ADH7: variants seen among roughly 807,000 people sequenced by gnomAD.
ADH7 encodes the protein all-trans-retinol dehydrogenase [NAD(+)] ADH7.
In ADH7, 41 loss-of-function variants were observed where a neutral mutation model predicts 34.4. The observed-to-expected ratio is 1.19, with a 90% CI of 0.93 to 1.55. ADH7 has a LOEUF of 1.55. Ranked by LOEUF, ADH7 falls within the 40% of genes most tolerant of loss-of-function variation. The pLI is 0.00. For synonymous variants in ADH7, 180 were observed against 160.9 expected (o/e 1.12, Z -0.90); for missense variants, 540 against 461.2 (o/e 1.17, Z -1.56).
intron 5 of ADH7, among the ~76,000 whole-genome samples, chr4:99,424,272 G>T (rs932186314): frequency 3.3e-5 from 5 of 152,188 alleles, no homozygotes; most frequent in Admixed American, 6.5e-5. Context: ...TGCTGTTTTT[G>T]TTACTGTAGC....
chr4:99,415,323 C>T (rs1260031003), intron 8 of ADH7, 155 bp downstream of exon 8: 1 of 787,656 alleles, frequency 1.3e-6, no homozygotes, highest in Admixed American at 2.5e-5. Flanking sequence ...TGAAAATACA[C>T]TAATGCAGTG....
intron 6 of ADH7, 109 bp downstream of exon 6, chr4:99,420,424 C>T: frequency 7.8e-7 from 1 of 1,275,774 alleles, no homozygotes; most frequent in South Asian, 1.5e-5. Context: ...CTGACTATCG[C>T]AGAGATATTT....
intron 5 of ADH7, among the ~76,000 whole-genome samples, chr4:99,426,079 C>T (rs12502381): frequency 0.045 from 6,808 of 152,050 alleles, 289 homozygotes; most frequent in East Asian, 0.12. Context: ...GAGAAATTTA[C>T]AGCACTAAAT....
In ADH7 at chr4:99,420,544, G is replaced by C; in HGVS notation, c.814C>G (p.Leu272Val). ...ATTTTGGGTCTTACCATGGTTTCAA[G>C]ATGCCCAATAACTTCAAAGGTGTAT... is the stretch of plus-strand genomic sequence containing the variant. The part of the protein sequence containing the change: ...VGYTFEVIGH[L>V]ETMIDALASC... Residue 272 changes from leucine to valine, a missense_variant, in exon 6 of 9, where the codon CTT becomes GTT. Coordinates refer to ENST00000437033, the MANE Select transcript of ADH7 (RefSeq NM_000673.7). 6.2e-7 allele frequency: 1 copy of C among 1,612,988 alleles called. No homozygotes were observed. The highest frequency in any genetic ancestry group is 2.2e-5 in the East Asian group (1 of 44,854).
Position 99,412,646 on chromosome 4 carries a change from T to C in ADH7, c.*502A>G, listed in dbSNP as rs1444977326. 2 of 152,250 alleles carry C rather than the reference T, an allele frequency of 1.3e-5. No individual in the cohort carries two copies. Among genetic ancestry groups the C allele is most frequent in the Non-Finnish European group, 2.9e-5 (2 of 68,076 alleles). The allele number at this position is 152,250 out of a possible 1,614,324, so 9.4% of individuals were successfully genotyped here. A position where few individuals can be genotyped will look rare whatever the true frequency, so the allele number is the denominator to read the frequency against. On this transcript the variant is annotated 3_prime_UTR_variant, in exon 9 of 9. Transcript: ENST00000437033. ...TTCTGTCTTTCTTAATCTAATCCAG[T>C]AATATGCATCATGGAATGAACTGAT...
chr4:99,431,128 A>G (rs1721930205), intron 1 of ADH7, among the ~76,000 whole-genome samples: 1 of 152,274 alleles, frequency 6.6e-6, no homozygotes, highest in East Asian at 1.9e-4. Flanking sequence ...AAACTATTTT[A>G]TCAATCAGTG....
chr4:99,418,712 T>C (rs1032353786), intron 7 of ADH7, among the ~76,000 whole-genome samples: 1 of 152,182 alleles, frequency 6.6e-6, no homozygotes, highest in Non-Finnish European at 1.5e-5. Context: ...TGTTACATAA[T>C]TCATCCCTAT....
intron 2 of ADH7, among the ~76,000 whole-genome samples, 193 bp downstream of exon 2, chr4:99,429,339 A>G (rs1432426548): frequency 6.6e-6 from 1 of 152,226 alleles, no homozygotes; most frequent in Non-Finnish European, 1.5e-5. Flanking sequence ...TTGTTTTTTA[A>G]AAGGATAATG....
intron 7 of ADH7, among the ~76,000 whole-genome samples, chr4:99,416,192 C>A (rs1007974596): frequency 1.8e-4 from 28 of 152,184 alleles, no homozygotes; most frequent in African/African-American, 6.5e-4. Context: ...TCTTCTGATA[C>A]CCACATCTCC....
rs777430947 is a variant in ADH7 at position 99,420,722 on chromosome 4, C to CT, written c.635dup (p.Ser213ValfsTer6). On this transcript the variant is annotated frameshift_variant, in exon 6 of 9. Transcript: ENST00000437033. LOFTEE classifies it high-confidence loss of function. ...CAATGATCCTAGATGCACCAGCTGA[C>CT]TTACAGCCCATGATGACTGACAGGC... 6.2e-7 allele frequency: 1 copy of CT among 1,613,938 alleles called. No homozygotes were observed. The highest frequency in any genetic ancestry group is 2.2e-5 in the East Asian group (1 of 44,874).
At chr4:99,433,921 G>C (rs993491641) in intron 1 of ADH7, among the ~76,000 whole-genome samples, 1 of 152,030 alleles carries the variant, frequency 6.6e-6, no homozygotes, top group Non-Finnish European at 1.5e-5. Flanking sequence ...TTATTATAAA[G>C]AGAAAAAATC....
intron 5 of ADH7, among the ~76,000 whole-genome samples, chr4:99,424,802 A>G (rs1721761112): frequency 6.6e-6 from 1 of 152,130 alleles, no homozygotes; most frequent in South Asian, 2.1e-4. Flanking sequence ...TTCTAGATAT[A>G]CAATCATGTC....
At chr4:99,427,206 C>A (rs1721829993) in intron 5 of ADH7, among the ~76,000 whole-genome samples, 1 of 152,052 alleles carries the variant, frequency 6.6e-6, no homozygotes, top group Non-Finnish European at 1.5e-5. Flanking sequence ...TTTTGGTGAA[C>A]AGTAACAGCA....
intron 7 of ADH7, among the ~76,000 whole-genome samples, chr4:99,416,232 T>C (rs1721512676): frequency 6.6e-6 from 1 of 152,178 alleles, no homozygotes. Flanking sequence ...TTGCTTCTAT[T>C]GCAGAGAAAC....
chr4:99,427,449 C>T (rs894328383), intron 5 of ADH7, among the ~76,000 whole-genome samples: 1 of 152,034 alleles, frequency 6.6e-6, no homozygotes, highest in African/African-American at 2.4e-5. Flanking sequence ...TGACAAAAAG[C>T]CTCTGCTGTA....
At position 99,428,581 on chromosome 4, in the gene ADH7, G is replaced by C. The variant is rs999630741; in HGVS notation, c.170C>G (p.Thr57Arg). The change falls in exon 3 of 9, where the codon ACA becomes AGA. Residue 57 changes from threonine (T) to arginine (R), a missense_variant. Coordinates refer to ENST00000437033, the MANE Select transcript of ADH7 (RefSeq NM_000673.7). ...CRTDDHVIKG[T>R]MVSKFPVIVG... is the part of the protein sequence containing the mutation. ...AATCACTGGAAACTTGGACACCATTGTTCCTTTTATCACATGGTCATCTGT... is the reference window on the plus strand; with the variant it reads ...AATCACTGGAAACTTGGACACCATTCTTCCTTTTATCACATGGTCATCTGT... 1 of 1,613,748 alleles carries C rather than the reference G, an allele frequency of 6.2e-7. No homozygotes were observed. The highest frequency in any genetic ancestry group is 8.5e-7 in the Non-Finnish European group (1 of 1,179,878).
intron 5 of ADH7, among the ~76,000 whole-genome samples, chr4:99,424,728 G>C (rs901191210): frequency 6.6e-6 from 1 of 151,960 alleles, no homozygotes; most frequent in African/African-American, 2.4e-5. Context: ...TTGATTTTGT[G>C]TCCTGAGACT....
intron 6 of ADH7, 88 bp from the exon 7 acceptor site, chr4:99,419,209 G>A (rs1579573181): frequency 7.1e-7 from 1 of 1,404,498 alleles, no homozygotes; most frequent in Non-Finnish European, 9.4e-7. Flanking sequence ...CTATGACAAA[G>A]TCATGAAATT....
At chr4:99,431,000 A>G (rs936197882) in intron 1 of ADH7, among the ~76,000 whole-genome samples, 7 of 152,050 alleles carry the variant, frequency 4.6e-5, no homozygotes, top group Non-Finnish European at 8.8e-5. Context: ...GGGTTTCACC[A>G]TGTTGGCCAG....
Sources: gnomAD v4.1 joint callset for allele counts (sites outside exome capture counted in the v4.1 genomes callset) on GRCh38, gnomAD v4.1.1 for gene constraint, MANE v1.5 for transcripts, NCBI Gene and HGNC (gene_info 2026-07-23, HGNC 2026-07-21) for gene names.